The following ATP6V1C1 variants were observed in gnomAD, a reference collection of about 807,000 sequenced individuals.
ATP6V1C1 encodes ATPase H+ transporting V1 subunit C1.
ATP6V1C1 carries 45 observed loss-of-function variants against 53.9 expected under a neutral mutation model. The observed-to-expected ratio is 0.83, with a 90% CI of 0.66 to 1.07. The LOEUF (loss-of-function observed/expected upper bound fraction) is 1.07. Ranked by LOEUF, ATP6V1C1 falls within the 50% of genes least tolerant of loss-of-function variation. The probability of loss-of-function intolerance (pLI) is 0.00; values close to 1 mark genes in which losing one functional copy is unlikely to be tolerated. For missense variants in ATP6V1C1, 315 were observed against 440.3 expected, an observed-to-expected ratio of 0.72 and a Z score of 2.55; for synonymous variants, 153 against 155.2, an observed-to-expected ratio of 0.99 and a Z score of 0.11.
At chr8:103,043,426 A>C (rs919695789) in intron 3 of ATP6V1C1, among the ~76,000 whole-genome samples, 1 of 151,588 alleles carries the variant, frequency 6.6e-6, no homozygotes, top group African/African-American at 2.4e-5. Flanking sequence ...GGGTTCAAGC[A>C]ATTCTCCTCC....
In ATP6V1C1 at chr8:103,069,353, A is replaced by G. The variant is rs907648270; in HGVS notation, c.*606A>G. The G allele has an allele frequency of 3.3e-5, 5 of 152,242 alleles. No homozygotes were observed. The highest frequency in any genetic ancestry group is 9.6e-5 in the African/African-American group (4 of 41,464). The allele number at this position is 152,242 out of a possible 1,614,324, so 9.4% of individuals were successfully genotyped here. A position where few individuals can be genotyped will look rare whatever the true frequency, so the allele number is the denominator to read the frequency against. On this transcript the variant is annotated 3_prime_UTR_variant, in exon 13 of 13. Transcript: ENST00000518738. ...TAAATGATGTCATAGCTCACTTGCTATGCTGCTTCCAGGATTTTGTTATAT... is the reference window on the plus strand; with the variant it reads ...TAAATGATGTCATAGCTCACTTGCTGTGCTGCTTCCAGGATTTTGTTATAT...
intron 1 of ATP6V1C1, among the ~76,000 whole-genome samples, chr8:103,033,618 A>C (rs1426699025): frequency 1.3e-5 from 2 of 152,218 alleles, no homozygotes; most frequent in Non-Finnish European, 1.5e-5. Context: ...AATACTACAA[A>C]GAAGGTTCTA....
intron 4 of ATP6V1C1, 141 bp downstream of exon 4, chr8:103,049,096 C>A: frequency 2.7e-6 from 2 of 733,442 alleles, no homozygotes; most frequent in Non-Finnish European, 4.3e-6. Context: ...ATTATTATTA[C>A]TGAATTTGGT....
chr8:103,030,769 G>T (rs541038776), intron 1 of ATP6V1C1, among the ~76,000 whole-genome samples: 1 of 139,630 alleles, frequency 7.2e-6, no homozygotes, highest in Non-Finnish European at 1.6e-5. Flanking sequence ...GAAACTTATG[G>T]GGGGGGTCTC....
chr8:103,067,456 T>C (rs1271757767), intron 12 of ATP6V1C1, among the ~76,000 whole-genome samples: 1 of 150,650 alleles, frequency 6.6e-6, no homozygotes, highest in Non-Finnish European at 1.5e-5. Context: ...GTTTTAAATA[T>C]CTTGCTGATT....
At chr8:103,039,437 T>G (rs1816955283) in intron 1 of ATP6V1C1, among the ~76,000 whole-genome samples, 1 of 152,210 alleles carries the variant, frequency 6.6e-6, no homozygotes, top group Non-Finnish European at 1.5e-5. Context: ...TACTTTACAT[T>G]TTAAAGGAAA....
At chr8:103,032,514 C>T (rs773440206) in intron 1 of ATP6V1C1, among the ~76,000 whole-genome samples, 2 of 151,918 alleles carry the variant, frequency 1.3e-5, no homozygotes, top group Non-Finnish European at 2.9e-5. Flanking sequence ...TTTCTTTCCT[C>T]ACTCTGCTGT....
At chr8:103,054,295 A>G (rs1037461308) in intron 7 of ATP6V1C1, among the ~76,000 whole-genome samples, 4 of 152,124 alleles carry the variant, frequency 2.6e-5, no homozygotes, top group African/African-American at 9.6e-5. Context: ...TTCTCAAAAT[A>G]GGAAGGTCTT....
intron 1 of ATP6V1C1, among the ~76,000 whole-genome samples, chr8:103,034,694 G>A (rs542361172): frequency 4.6e-5 from 7 of 151,454 alleles, no homozygotes; most frequent in East Asian, 1.9e-4. Flanking sequence ...TCAGCCTCCC[G>A]AGTAGCTGGG....
chr8:103,054,887 T>A (rs1257601422), intron 7 of ATP6V1C1, among the ~76,000 whole-genome samples: 2 of 152,156 alleles, frequency 1.3e-5, no homozygotes, highest in African/African-American at 4.8e-5. Context: ...GTTCAGAGAT[T>A]TGGAGTACTA....
At chr8:103,052,254 ATTC>A (rs1817214284) in intron 5 of ATP6V1C1, among the ~76,000 whole-genome samples, 2 of 152,194 alleles carry the variant, frequency 1.3e-5, no homozygotes, top group South Asian at 2.1e-4. Flanking sequence ...TTAGTTTAGT[ATTC>A]TTCTGAGAAA....
chr8:103,063,125 C>T lies in ATP6V1C1; in HGVS notation c.735-10C>T. 1 of 1,611,314 alleles carries T rather than the reference C, an allele frequency of 6.2e-7. No individual in the cohort carries two copies. The highest frequency in any genetic ancestry group is 8.5e-7 in the Non-Finnish European group (1 of 1,178,454). Reference sequence around the variant, plus strand: ...TGTGAACAATTTTGTTTTTTTTCCCCCAAATTTAGATTCATTGTTCGTGAC... The same window carrying T: ...TGTGAACAATTTTGTTTTTTTTCCCTCAAATTTAGATTCATTGTTCGTGAC... On this transcript the variant is annotated splice_polypyrimidine_tract_variant and intron_variant, in intron 9 of 12. Transcript: ENST00000518738.
chr8:103,040,159 T>C (rs1339586295), intron 1 of ATP6V1C1, among the ~76,000 whole-genome samples: 1 of 152,128 alleles, frequency 6.6e-6, no homozygotes, highest in Non-Finnish European at 1.5e-5. Flanking sequence ...GGTTGTATGC[T>C]TTAAAAGTTT....
Position 103,071,599 on chromosome 8 carries a change from TTTTTG to T in ATP6V1C1, c.*2877_*2881del, listed in dbSNP as rs576828218. 31 of 152,490 alleles carry T rather than the reference TTTTTG, an allele frequency of 2.0e-4. No homozygotes were observed. The highest frequency in any genetic ancestry group is 5.8e-4 in the African/African-American group (24 of 41,426). The allele number at this position is 152,490 out of a possible 1,614,324, so 9.4% of individuals were successfully genotyped here. ...AATCAGATGTTAACTTGTGTTGCTA[TTTTTG>T]TTTTGTTTTGTTTTGTTTTGTTTTT... On this transcript the variant is annotated 3_prime_UTR_variant, in exon 13 of 13. Coordinates refer to ENST00000518738, the MANE Select transcript of ATP6V1C1 (RefSeq NM_001695.5).
In ATP6V1C1 at chr8:103,053,946, C is replaced by G. The variant is rs1243804238; in HGVS notation, c.536C>G (p.Ser179Ter). 6.2e-7 allele frequency: 1 copy of G among 1,610,368 alleles called. No homozygotes were observed. The highest frequency in any genetic ancestry group is 1.3e-5 in the African/African-American group (1 of 74,686). The change falls in exon 7 of 13, where the codon TCA becomes TGA. Residue 179 changes from serine to a stop codon, truncating the protein, a stop_gained. Coordinates refer to ENST00000518738, the MANE Select transcript of ATP6V1C1 (RefSeq NM_001695.5). LOFTEE classifies it high-confidence loss of function. ...IVKKDDFVLD[S>*]EYLVTLLVVV... ...AAGAAGGATGACTTTGTTCTTGATT[C>G]AGAGTATCTCGTCACATTACTGGTA...
chr8:103,026,876 C>T (rs149219308), intron 1 of ATP6V1C1, among the ~76,000 whole-genome samples: 2 of 152,130 alleles, frequency 1.3e-5, no homozygotes, highest in Admixed American at 1.3e-4. Flanking sequence ...GAATCATGGA[C>T]GTATTCCTTG....
At chr8:103,062,859 C>G in intron 8 of ATP6V1C1, 96 bp from the exon 9 acceptor site, 1 of 1,026,514 alleles carries the variant, frequency 9.7e-7, no homozygotes. Flanking sequence ...GCTATTATAC[C>G]CTACTTTTCT....
chr8:103,056,504 A>G (rs944952900), intron 8 of ATP6V1C1, among the ~76,000 whole-genome samples: 2 of 152,220 alleles, frequency 1.3e-5, no homozygotes, highest in Admixed American at 6.5e-5. Flanking sequence ...GAAATTTACA[A>G]CAAGTCTGTG....
At chr8:103,068,619 A>G in intron 12 of ATP6V1C1, 33 bp from the exon 13 acceptor site, 2 of 1,505,386 alleles carry the variant, frequency 1.3e-6, no homozygotes, top group Non-Finnish European at 9.0e-7. Context: ...TTCTGTAAAT[A>G]CAAAATTGAA....
Sources: gnomAD v4.1 joint callset for allele counts (sites outside exome capture counted in the v4.1 genomes callset) on GRCh38, gnomAD v4.1.1 for gene constraint, MANE v1.5 for transcripts, NCBI Gene and HGNC (gene_info 2026-07-23, HGNC 2026-07-21) for gene names.